AMBRA1: variants seen among roughly 807,000 people sequenced by gnomAD.
AMBRA1 encodes autophagy and beclin 1 regulator 1, also known as activating molecule in BECN1-regulated autophagy protein 1.
Under a neutral mutation model 125.4 loss-of-function variants are expected in AMBRA1, and 47 were observed. That is an observed-to-expected ratio of 0.37 (90% CI 0.30 to 0.48). AMBRA1 has a LOEUF of 0.48. Among genes scored for constraint, AMBRA1 ranks in the 20% least tolerant of loss-of-function variants. The pLI, the probability that AMBRA1 is intolerant of heterozygous loss-of-function variation, is 0.99. For missense variants in AMBRA1, 1,331 were observed against 1,693.4 expected, an observed-to-expected ratio of 0.79 and a Z score of 3.76; for synonymous variants, 626 against 655.5, an observed-to-expected ratio of 0.95 and a Z score of 0.69.
At chr11:46,405,993 A>G (rs987492962) in intron 17 of AMBRA1, among the ~76,000 whole-genome samples, 2 of 151,628 alleles carry the variant, frequency 1.3e-5, no homozygotes, top group African/African-American at 4.8e-5. Context: ...TTGGCCTCCT[A>G]AAGTGCTGGG....
chr11:46,430,606 G>C (rs144779455), intron 14 of AMBRA1, among the ~76,000 whole-genome samples: 2 of 152,332 alleles, frequency 1.3e-5, no homozygotes, highest in East Asian at 3.9e-4. Flanking sequence ...TTCATTTTCA[G>C]AAGAGTTTTC....
intron 1 of AMBRA1, among the ~76,000 whole-genome samples, chr11:46,566,665 A>G (rs1386112712): frequency 6.6e-6 from 1 of 152,170 alleles, no homozygotes; most frequent in African/African-American, 2.4e-5. Flanking sequence ...GCTTCATTGC[A>G]ACTTTATCCA....
At chr11:46,484,507 A>G (rs1950194284) in intron 11 of AMBRA1, among the ~76,000 whole-genome samples, 1 of 152,224 alleles carries the variant, frequency 6.6e-6, no homozygotes, top group Admixed American at 6.5e-5. Flanking sequence ...GAGTACAGAG[A>G]ACTTAAAGTA....
At chr11:46,572,488 T>G (rs1403669745) in intron 1 of AMBRA1, among the ~76,000 whole-genome samples, 1 of 152,152 alleles carries the variant, frequency 6.6e-6, no homozygotes, top group Non-Finnish European at 1.5e-5. Context: ...CATCCATGAG[T>G]AAATAATCAT....
intron 1 of AMBRA1, among the ~76,000 whole-genome samples, chr11:46,549,880 G>A (rs913870308): frequency 1.3e-5 from 2 of 152,112 alleles, no homozygotes; most frequent in Non-Finnish European, 2.9e-5. Flanking sequence ...GTGCAACAGC[G>A]CAATCTCGGC....
chr11:46,566,111 T>G (rs1023508774), intron 1 of AMBRA1, among the ~76,000 whole-genome samples: 2 of 152,098 alleles, frequency 1.3e-5, no homozygotes, highest in African/African-American at 4.8e-5. Flanking sequence ...CATGAAATAC[T>G]GTGTAGCAAT....
chr11:46,407,326 G>C (rs1224930290), intron 17 of AMBRA1, among the ~76,000 whole-genome samples: 4 of 152,210 alleles, frequency 2.6e-5, no homozygotes, highest in African/African-American at 9.6e-5. Flanking sequence ...GCCTCCTACT[G>C]AGAGGGCTGG....
At chr11:46,447,037 C>T (rs146245372) in intron 11 of AMBRA1, among the ~76,000 whole-genome samples, 137 of 152,250 alleles carry the variant, frequency 9.0e-4, no homozygotes, top group African/African-American at 3.1e-3. Context: ...CTCTCTGAAC[C>T]TCAGTTTCCT....
chr11:46,463,640 C>A (rs1160706104), intron 11 of AMBRA1, among the ~76,000 whole-genome samples: 1 of 152,166 alleles, frequency 6.6e-6, no homozygotes, highest in African/African-American at 2.4e-5. Context: ...TGAGAAGATA[C>A]CCACTCAATC....
intron 9 of AMBRA1, 136 bp from the exon 10 acceptor site, chr11:46,494,340 CACTAATTAGGCAGCACATTAATAAA>C: frequency 1.5e-6 from 1 of 647,776 alleles, no homozygotes; most frequent in South Asian, 2.0e-5. Flanking sequence ...TCTGGCTGCT[CACTAATTAGGCAGCACATTAATAAA>C]ACATATTTCT....
intron 7 of AMBRA1, among the ~76,000 whole-genome samples, chr11:46,537,261 G>A (rs1952519090): frequency 6.6e-6 from 1 of 152,186 alleles, no homozygotes; most frequent in Non-Finnish European, 1.5e-5. Flanking sequence ...GAGCAACAGA[G>A]GTTTTGACAA....
At chr11:46,500,912 T>C (rs994880720) in intron 9 of AMBRA1, among the ~76,000 whole-genome samples, 2 of 152,234 alleles carry the variant, frequency 1.3e-5, no homozygotes, top group Non-Finnish European at 2.9e-5. Flanking sequence ...TAGATACTTA[T>C]GTAAAACTTG....
chr11:46,447,673 G>A (rs534622373), intron 11 of AMBRA1, among the ~76,000 whole-genome samples: 55 of 152,176 alleles, frequency 3.6e-4, no homozygotes, highest in African/African-American at 1.3e-3. Flanking sequence ...CTGCACCACT[G>A]CACTACAGCC....
intron 7 of AMBRA1, among the ~76,000 whole-genome samples, chr11:46,528,247 G>A (rs1952064651): frequency 6.6e-6 from 1 of 152,084 alleles, no homozygotes; most frequent in South Asian, 2.1e-4. Context: ...ATCCCGGCTC[G>A]CTGCAACCTC....
intron 12 of AMBRA1, among the ~76,000 whole-genome samples, chr11:46,437,830 G>A (rs1947802128): frequency 6.6e-6 from 1 of 152,160 alleles, no homozygotes; most frequent in Non-Finnish European, 1.5e-5. Context: ...AGAAAAGGGA[G>A]AAGTAAAATA....
At chr11:46,591,598 T>C (rs1490890805) in intron 1 of AMBRA1, among the ~76,000 whole-genome samples, 2 of 152,160 alleles carry the variant, frequency 1.3e-5, no homozygotes, top group Admixed American at 6.5e-5. Flanking sequence ...GGCTCATACC[T>C]GTAATCCCAG....
At chr11:46,450,879 T>C (rs1220787661) in intron 11 of AMBRA1, among the ~76,000 whole-genome samples, 1 of 152,228 alleles carries the variant, frequency 6.6e-6, no homozygotes, top group Non-Finnish European at 1.5e-5. Flanking sequence ...CTTTGAGTGA[T>C]AATGATGTGT....
intron 1 of AMBRA1, among the ~76,000 whole-genome samples, chr11:46,583,432 T>C (rs1012327104): frequency 2.0e-5 from 3 of 151,630 alleles, no homozygotes; most frequent in South Asian, 4.2e-4. Flanking sequence ...ATTCAGGACA[T>C]AGGCATGGGA....
At chr11:46,562,677 T>G (rs61882750) in intron 1 of AMBRA1, among the ~76,000 whole-genome samples, 32,696 of 152,114 alleles carry the variant, frequency 0.21, 4,257 homozygotes, top group African/African-American at 0.37. Flanking sequence ...ATTAAAGGGA[T>G]AAATCAATAG....
Sources: allele counts gnomAD v4.1 joint callset (sites outside exome capture counted in the v4.1 genomes callset), GRCh38; gene constraint gnomAD v4.1.1; transcripts MANE v1.5; gene names NCBI Gene and HGNC (gene_info 2026-07-23, HGNC 2026-07-21).